Variants in DNAJC13 observed in about 807,000 individuals in gnomAD.
DNAJC13 encodes the protein dnaJ homolog subfamily C member 13.
DNAJC13 carries 75 observed loss-of-function variants against 290.5 expected under a neutral mutation model. That is an observed-to-expected ratio of 0.26 (90% CI 0.21 to 0.31). The LOEUF (loss-of-function observed/expected upper bound fraction) is 0.31. DNAJC13 is among the 10% of genes least tolerant of loss of function. The pLI is 1.00. For synonymous variants in DNAJC13, 862 were observed against 892.0 expected, an observed-to-expected ratio of 0.97 and a Z score of 0.60; for missense variants, 2,260 against 2,674.5, an observed-to-expected ratio of 0.85 and a Z score of 3.42.
Position 132,434,681 on chromosome 3 carries a change from T to C in DNAJC13, c.68+63T>C, listed in dbSNP as rs1939334015. 4 of 1,358,046 alleles carry C rather than the reference T, an allele frequency of 2.9e-6. No homozygotes were observed. The Admixed American group carries it at 7.9e-5, about 27-fold the overall frequency. 84.1% of individuals were successfully genotyped at this position (1,358,046 alleles called of 1,614,324 possible). On this transcript the variant is annotated intron_variant, in intron 2 of 55. Coordinates refer to ENST00000260818, the MANE Select transcript of DNAJC13 (RefSeq NM_015268.4). ...ATAAAATATTTTAAACATTACTGTG[T>C]TTCATAATCTTGAATAATACTGCAC...
At chr3:132,423,657 A>G (rs1345117741) in intron 1 of DNAJC13, among the ~76,000 whole-genome samples, 2 of 152,234 alleles carry the variant, frequency 1.3e-5, no homozygotes, top group African/African-American at 4.8e-5. Context: ...GGTAGGAATA[A>G]TAGGGATATT....
rs768898645 is a variant in DNAJC13, at chr3:132,499,167, C to A, written c.4198C>A (p.Arg1400=). The A allele has an allele frequency of 1.9e-6, 3 of 1,613,242 alleles. No homozygotes were observed. The highest frequency in any genetic ancestry group is 2.5e-6 in the Non-Finnish European group (3 of 1,179,414). The part of the protein sequence containing the change: ...YKYAGYPMLI[R]TITMETSDDL... ...ATATGCAGGATACCCCATGCTTATT[C>A]GGACTATAACAATGGAAACTTCAGA... The change falls in exon 37 of 56, where the codon CGG becomes AGG. Residue 1400 remains arginine, a synonymous_variant. Coordinates refer to ENST00000260818, the MANE Select transcript of DNAJC13 (RefSeq NM_015268.4).
rs117041488 is a variant in DNAJC13 at position 132,426,024 on chromosome 3, C to T, written c.-14+8264C>T. Among the ~76,000 whole-genome samples, 232 of 152,238 alleles carry T rather than the reference C, an allele frequency of 1.5e-3. 3 individuals are homozygous for T. The East Asian group carries it at 0.033, about 21-fold the overall frequency. ...ATTATGTGTCTTCTAAAAGATCATT[C>T]TCATTTTAACCATAAATGATCTTAA... On this transcript the variant is annotated intron_variant, in intron 1 of 55. Coordinates refer to ENST00000260818, the MANE Select transcript of DNAJC13 (RefSeq NM_015268.4).
intron 31 of DNAJC13, 152 bp from the exon 32 acceptor site, chr3:132,490,745 C>A: frequency 1.3e-6 from 1 of 781,524 alleles, no homozygotes; most frequent in Non-Finnish European, 1.9e-6. Flanking sequence ...TCACATTTTG[C>A]TGTGTTTCCA....
chr3:132,426,003 T>C (rs1939080044), intron 1 of DNAJC13, among the ~76,000 whole-genome samples: 1 of 152,208 alleles, frequency 6.6e-6, no homozygotes, highest in African/African-American at 2.4e-5. Flanking sequence ...GTCAAAATTA[T>C]GTGTCTTCTA....
At chr3:132,519,840 A>C (rs1189462533) in intron 48 of DNAJC13, among the ~76,000 whole-genome samples, 1 of 152,152 alleles carries the variant, frequency 6.6e-6, no homozygotes, top group Admixed American at 6.6e-5. Context: ...AGACATACCC[A>C]ACACTGGGCA....
chr3:132,520,150 C>T (rs1576517778), intron 48 of DNAJC13, among the ~76,000 whole-genome samples: 2 of 152,248 alleles, frequency 1.3e-5, no homozygotes, highest in Admixed American at 1.3e-4. Flanking sequence ...TATCAAAGGA[C>T]CATATAGTCA....
rs113020774 is a variant in DNAJC13 at position 132,464,603 on chromosome 3, C to T, written c.1892+786C>T. Reference sequence around the variant, plus strand: ...TTATACATCATGGTATGCTGCCTTGCCAGGGATTTTTTTTTTACTGTTTAT... The same window carrying T: ...TTATACATCATGGTATGCTGCCTTGTCAGGGATTTTTTTTTTACTGTTTAT... On this transcript the variant is annotated intron_variant, in intron 17 of 55. Transcript: ENST00000260818. Among the ~76,000 whole-genome samples, 1,072 of 152,072 alleles carry T rather than the reference C, an allele frequency of 7.0e-3. 5 individuals are homozygous for T. The highest frequency in any genetic ancestry group is 0.012 in the Non-Finnish European group (826 of 67,958).
chr3:132,425,614 C>G lies in DNAJC13; in HGVS notation c.-14+7854C>G, dbSNP rs1341720112. On this transcript the variant is annotated intron_variant, in intron 1 of 55. Coordinates refer to ENST00000260818, the MANE Select transcript of DNAJC13 (RefSeq NM_015268.4). ...GTTCCGTTCTTGCATTTTACAGACT[C>G]AAAATGGGAAAATCAGTAGCTTACC... Among the ~76,000 whole-genome samples, 7 of 152,228 alleles carry G rather than the reference C, an allele frequency of 4.6e-5. No homozygotes were observed. The East Asian group carries it at 1.4e-3, about 29-fold the overall frequency.
At position 132,475,090 on chromosome 3, in the gene DNAJC13, A is replaced by G. The variant is rs763261903; in HGVS notation, c.2445+5A>G. 1 of 1,574,062 alleles carries G rather than the reference A, an allele frequency of 6.4e-7. No individual in the cohort carries two copies. Among genetic ancestry groups the G allele is most frequent in the African/African-American group, 1.4e-5 (1 of 73,064 alleles). On this transcript the variant is annotated splice_donor_5th_base_variant and intron_variant, in intron 22 of 55. Transcript: ENST00000260818. Reference sequence around the variant, plus strand: ...TGGAACCACCATGAGTTTGAGGTAAAGTTTGATTTTTCCAGTATATTAATC... The same window carrying G: ...TGGAACCACCATGAGTTTGAGGTAAGGTTTGATTTTTCCAGTATATTAATC...
chr3:132,463,066 G>C (rs933167146), intron 16 of DNAJC13, among the ~76,000 whole-genome samples: 1 of 152,158 alleles, frequency 6.6e-6, no homozygotes, highest in African/African-American at 2.4e-5. Context: ...ATACTATGAT[G>C]ATTACAATGA....
intron 9 of DNAJC13, 45 bp downstream of exon 9, chr3:132,454,202 C>CA: frequency 2.9e-6 from 4 of 1,374,956 alleles, no homozygotes; most frequent in Non-Finnish European, 4.0e-6. Context: ...TTGTGCAAGG[C>CA]AAAGTGCTTG....
rs758798825 is a variant in DNAJC13, at chr3:132,434,594, C to T, written c.44C>T (p.Thr15Ile). The stretch of plus-strand genomic sequence containing the variant: ...AATAAGGATCTGGCATGTTTCTACA[C>T]AACAAAACATTCATGGAGGGGGAAG... ...RENKDLACFY[T>I]TKHSWRGKYK... Residue 15 changes from threonine to isoleucine, a missense_variant, in exon 2 of 56, where the codon ACA becomes ATA. Thr to Ile is a moderately conservative substitution (Grantham distance 89). This residue lies in a region of DNAJC13 where 762 missense variants were observed against 964.1 expected (regional missense o/e 0.79). Coordinates refer to ENST00000260818, the MANE Select transcript of DNAJC13 (RefSeq NM_015268.4). 23 of 1,609,950 alleles carry T rather than the reference C, an allele frequency of 1.4e-5. No homozygotes were observed. The highest frequency in any genetic ancestry group is 1.9e-5 in the Non-Finnish European group (22 of 1,178,596).
chr3:132,518,901 A>G (rs968678998), intron 48 of DNAJC13, among the ~76,000 whole-genome samples: 1 of 152,170 alleles, frequency 6.6e-6, no homozygotes, highest in African/African-American at 2.4e-5. Context: ...CCTTCTGGAT[A>G]GATTTGCCGA....
intron 38 of DNAJC13, among the ~76,000 whole-genome samples, chr3:132,500,547 G>A (rs1381895616): frequency 6.6e-6 from 1 of 152,160 alleles, no homozygotes; most frequent in African/African-American, 2.4e-5. Flanking sequence ...CTCTTTGGCA[G>A]TACAAAGACC....
At chr3:132,425,780 C>A (rs568799406) in intron 1 of DNAJC13, among the ~76,000 whole-genome samples, 1 of 151,778 alleles carries the variant, frequency 6.6e-6, no homozygotes, top group Non-Finnish European at 1.5e-5. Context: ...ATTCATTCAT[C>A]CCTAGTTAAA....
At chr3:132,455,962 A>C (rs748820720) in intron 9 of DNAJC13, among the ~76,000 whole-genome samples, 16 of 152,222 alleles carry the variant, frequency 1.1e-4, no homozygotes, top group Non-Finnish European at 1.5e-4. Flanking sequence ...GTGATTTGTC[A>C]ATTAGAACCG....
Position 132,538,226 on chromosome 3 carries a change from T to A in DNAJC13, c.6676T>A (p.Ser2226Thr), listed in dbSNP as rs1276451693. 3.7e-6 allele frequency: 6 copies of A among 1,613,976 alleles called. No homozygotes were observed. In the East Asian group the frequency reaches 1.3e-4, roughly 36 times the overall value. ...CGCAGGTACATCTACATCAGTCATG[T>A]CTAACCTGCCACCTCCTGTAGACCA... ...LTAGTSTSVMSNLPPPVDHEA... is the reference protein window; with the variant it reads ...LTAGTSTSVMTNLPPPVDHEA... The change falls in exon 56 of 56, where the codon TCT becomes ACT. Residue 2226 changes from serine (S) to threonine (T), a missense_variant. Around this residue, in one of 3 missense-constraint regions of DNAJC13, gnomAD observed 1,494 missense variants for 1,693.7 expected, o/e 0.88. Transcript: ENST00000260818.
At chr3:132,523,278 G>A (rs1936151067) in intron 50 of DNAJC13, 79 bp downstream of exon 50, 6 of 1,474,186 alleles carry the variant, frequency 4.1e-6, no homozygotes, top group East Asian at 2.3e-5. Flanking sequence ...GTTTAATGCC[G>A]ACCTATAACT....
Sources: gnomAD v4.1 joint callset for allele counts (sites outside exome capture counted in the v4.1 genomes callset) on GRCh38, gnomAD v4.1.1 for gene constraint, gnomAD v4.1.1 regional missense constraint, MANE v1.5 for transcripts, NCBI Gene and HGNC (gene_info 2026-07-23, HGNC 2026-07-21) for gene names.